The following SOS2 variants were observed in gnomAD, a reference collection of about 807,000 sequenced individuals.
SOS2 encodes the protein son of sevenless homolog 2.
A neutral mutation model predicts 148.2 loss-of-function variants in SOS2; 65 were observed. The observed-to-expected ratio is 0.44, with a 90% CI of 0.36 to 0.54. SOS2 has a LOEUF of 0.54. SOS2 is among the 20% of genes least tolerant of loss of function. The pLI, the probability that SOS2 is intolerant of heterozygous loss-of-function variation, is 0.00. For synonymous variants in SOS2, 539 were observed against 537.1 expected, an observed-to-expected ratio of 1.00 and a Z score of -0.05; for missense variants, 1,341 against 1,590.2, an observed-to-expected ratio of 0.84 and a Z score of 2.67.
At chr14:50,184,131 G>A (rs985984935) in intron 5 of SOS2, among the ~76,000 whole-genome samples, 5 of 152,024 alleles carry the variant, frequency 3.3e-5, no homozygotes, top group African/African-American at 1.2e-4. Flanking sequence ...CATATATATG[G>A]GTATTTATAG....
Position 50,143,971 on chromosome 14 carries a change from T to C in SOS2, c.2667+1199A>G, listed in dbSNP as rs139426504. Among the ~76,000 whole-genome samples the C allele has an allele frequency of 1.4e-4, 22 of 152,086 alleles. No homozygotes were observed. In the East Asian group the frequency reaches 4.3e-3, roughly 29 times the overall value. The stretch of plus-strand genomic sequence containing the variant: ...CCCACACCTGGCCAAAAGCTTTTAA[T>C]ATAATACATAATACCAAGGGGCATT... On this transcript the variant is annotated intron_variant, in intron 16 of 22. Transcript: ENST00000216373.
intron 1 of SOS2, among the ~76,000 whole-genome samples, chr14:50,227,558 C>T (rs939855148): frequency 6.6e-5 from 10 of 152,128 alleles, no homozygotes; most frequent in South Asian, 2.1e-4. Flanking sequence ...GGACTACAGG[C>T]GTCCGCCACC....
At chr14:50,130,832 TACCTTATTA>T in intron 19 of SOS2, 70 bp from the exon 20 acceptor site, 1 of 1,356,518 alleles carries the variant, frequency 7.4e-7, no homozygotes, top group Non-Finnish European at 1.0e-6. Flanking sequence ...GACTTAGAGC[TACCTTATTA>T]GTCTTATTAG....
intron 4 of SOS2, among the ~76,000 whole-genome samples, chr14:50,199,184 A>T (rs1476833847): frequency 6.6e-6 from 1 of 152,194 alleles, no homozygotes; most frequent in Non-Finnish European, 1.5e-5. Flanking sequence ...GAAGGTAAGT[A>T]AAGGAATATA....
intron 7 of SOS2, among the ~76,000 whole-genome samples, chr14:50,176,333 A>G (rs1349842216): frequency 1.3e-5 from 2 of 152,248 alleles, no homozygotes; most frequent in African/African-American, 4.8e-5. Context: ...TTATTAGAGC[A>G]GCCTGAATAG....
chr14:50,165,434 T>G (rs1287149573), intron 8 of SOS2, among the ~76,000 whole-genome samples: 2 of 152,080 alleles, frequency 1.3e-5, no homozygotes, highest in African/African-American at 4.8e-5. Context: ...GTTCTCTCTC[T>G]CAGTAGGACG....
At chr14:50,185,803 TATTGGGCACATTA>T (rs1294016897) in intron 5 of SOS2, among the ~76,000 whole-genome samples, 1 of 151,986 alleles carries the variant, frequency 6.6e-6, no homozygotes, top group Non-Finnish European at 1.5e-5. Context: ...AACTAACATG[TATTGGGCACATTA>T]TATTCTAGGC....
intron 4 of SOS2, 69 bp downstream of exon 4, chr14:50,199,622 C>G: frequency 1.1e-6 from 1 of 932,788 alleles, no homozygotes; most frequent in South Asian, 1.9e-5. Context: ...ATAATGTACA[C>G]AAAAAGATTG....
At position 50,227,243 on chromosome 14, in the gene SOS2, C is replaced by CTTTTTTTTTT. The variant is rs374477701; in HGVS notation, c.87+3953_87+3954insAAAAAAAAAA. On this transcript the variant is annotated intron_variant, in intron 1 of 22. Coordinates refer to ENST00000216373, the MANE Select transcript of SOS2 (RefSeq NM_006939.4). ...TCTCTGTGTTTCTTTTTCTTTCTTT[C>CTTTTTTTTTT]TTTCTTTTTTTTTTTTTTTGAGACA... Among the ~76,000 whole-genome samples the CTTTTTTTTTT allele has an allele frequency of 1.6e-4, 18 of 112,648 alleles. 1 individual carries two copies. Among genetic ancestry groups the CTTTTTTTTTT allele is most frequent in the Non-Finnish European group, 2.4e-4 (14 of 57,820 alleles). The allele number at this position is 112,648 out of a possible 152,430, so 73.9% of individuals were successfully genotyped here.
At chr14:50,141,553 T>C (rs145376660) in intron 16 of SOS2, among the ~76,000 whole-genome samples, 37 of 151,964 alleles carry the variant, frequency 2.4e-4, no homozygotes, top group African/African-American at 8.7e-4. Context: ...AATTCTAATA[T>C]ACATCTAGCA....
At chr14:50,224,418 A>T (rs1407521586) in intron 1 of SOS2, among the ~76,000 whole-genome samples, 1 of 151,208 alleles carries the variant, frequency 6.6e-6, no homozygotes, top group African/African-American at 2.4e-5. Context: ...CAGAAAGATG[A>T]GGAGGAATCA....
chr14:50,159,574 G>C lies in SOS2; in HGVS notation c.1709C>G (p.Pro570Arg). ...TTTTACTACAAAACGATATACTTCA[G>C]GACTTGGTAATCTCAGTGGTTGCTC... is the stretch of plus-strand genomic sequence containing the variant. ...ENEQPLRLPS[P>R]EVYRFVVKDS... is the part of the protein sequence containing the mutation. Residue 570 changes from proline to arginine, a missense_variant, in exon 10 of 23, where the codon CCT becomes CGT. Pro to Arg is a moderately radical substitution (Grantham distance 103). This residue lies in a region of SOS2 where 574 missense variants were observed against 711.1 expected (regional missense o/e 0.81). Transcript: ENST00000216373. 6.2e-7 allele frequency: 1 copy of C among 1,613,834 alleles called. No individual in the cohort carries two copies. Among genetic ancestry groups the C allele is most frequent in the Non-Finnish European group, 8.5e-7 (1 of 1,179,934 alleles).
chr14:50,126,415 A>C (rs569415723), intron 21 of SOS2, among the ~76,000 whole-genome samples: 1 of 152,310 alleles, frequency 6.6e-6, no homozygotes, highest in South Asian at 2.1e-4. Context: ...CTGGATATGC[A>C]ACTTAGCTGA....
chr14:50,164,334 G>A (rs1885106043), intron 8 of SOS2, among the ~76,000 whole-genome samples: 1 of 152,020 alleles, frequency 6.6e-6, no homozygotes, highest in African/African-American at 2.4e-5. Context: ...CAGCTATTTG[G>A]GAGGCTGAGG....
intron 4 of SOS2, among the ~76,000 whole-genome samples, chr14:50,199,248 A>C (rs1375806060): frequency 1.3e-5 from 2 of 152,204 alleles, no homozygotes; most frequent in Non-Finnish European, 2.9e-5. Context: ...GCCAGGAAAG[A>C]AGACAGATAT....
At chr14:50,219,212 C>T (rs550859868) in intron 1 of SOS2, among the ~76,000 whole-genome samples, 3 of 151,928 alleles carry the variant, frequency 2.0e-5, no homozygotes, top group South Asian at 2.1e-4. Flanking sequence ...TATCTTCATA[C>T]AAAGACTTGT....
At chr14:50,211,795 T>C (rs551159853) in intron 1 of SOS2, among the ~76,000 whole-genome samples, 1 of 152,252 alleles carries the variant, frequency 6.6e-6, no homozygotes, top group African/African-American at 2.4e-5. Context: ...GTGGCTCACA[T>C]TGTATCTCTT....
chr14:50,162,251 A>C (rs1027929347), intron 8 of SOS2, among the ~76,000 whole-genome samples: 5 of 151,900 alleles, frequency 3.3e-5, no homozygotes, highest in African/African-American at 1.2e-4. Flanking sequence ...TCCTGGGCAT[A>C]AGGCTTCCCG....
At chr14:50,145,726 A>G in intron 14 of SOS2, 130 bp from the exon 15 acceptor site, 1 of 577,686 alleles carries the variant, frequency 1.7e-6, no homozygotes, top group East Asian at 2.9e-5. Flanking sequence ...CAAGTAATTC[A>G]GAGAGGAATA....
Sources: allele counts gnomAD v4.1 joint callset (sites outside exome capture counted in the v4.1 genomes callset), GRCh38; gene constraint gnomAD v4.1.1; regional missense constraint gnomAD v4.1.1; transcripts MANE v1.5; gene names NCBI Gene and HGNC (gene_info 2026-07-23, HGNC 2026-07-21).